The following H4C9 variants were observed in gnomAD, a reference collection of about 807,000 sequenced individuals.
H4C9 encodes the protein histone H4.
Under a neutral mutation model 4.3 loss-of-function variants are expected in H4C9, and 3 were observed. The observed-to-expected ratio is 0.70, with a 90% confidence interval of 0.32 to 1.82. H4C9 has a LOEUF of 1.82. Ranked by LOEUF, H4C9 falls within the 40% of genes most tolerant of loss-of-function variation. The pLI is 0.08. For synonymous variants in H4C9, 83 were observed against 64.8 expected, an observed-to-expected ratio of 1.28 and a Z score of -1.35; for missense variants, 166 against 158.3, an observed-to-expected ratio of 1.05 and a Z score of -0.26.
rs779121479 is a variant in H4C9 at position 27,139,648 on chromosome 6, T to A, written c.*28T>A. 1 of 1,579,412 alleles carries A rather than the reference T, an allele frequency of 6.3e-7. No individual in the cohort carries two copies. Among genetic ancestry groups the A allele is most frequent in the African/African-American group, 1.4e-5 (1 of 73,882 alleles). On this transcript the variant is annotated 3_prime_UTR_variant, in exon 1 of 1. Coordinates refer to ENST00000615353, the MANE Select transcript of H4C9 (RefSeq NM_003495.3). ...GGCATTTTGAAGCCCAGTCATTCTC[T>A]AAAAAGGCCCTTTTTAGGGCCCCTA...
At position 27,139,678 on chromosome 6, in the gene H4C9, T is replaced by C; in HGVS notation, c.*58T>C. On this transcript the variant is annotated 3_prime_UTR_variant, in exon 1 of 1. Transcript: ENST00000615353. The stretch of plus-strand genomic sequence containing the variant: ...AGGCCCTTTTTAGGGCCCCTAAGCT[T>C]TCAACAAAAGAGTTGAAATGACTGC... 1 of 1,536,688 alleles carries C rather than the reference T, an allele frequency of 6.5e-7. No homozygotes were observed. The highest frequency in any genetic ancestry group is 8.7e-7 in the Non-Finnish European group (1 of 1,146,536).
At position 27,139,495 on chromosome 6, in the gene H4C9, C is replaced by T. The variant is rs780445663; in HGVS notation, c.187C>T (p.Leu63=). ...EETRGVLKVF[L]ENVIRDAVTY... is the part of the protein sequence containing the mutation. Reference sequence around the variant, plus strand: ...GACCCGCGGAGTGTTGAAGGTGTTCCTGGAGAACGTGATCCGGGACGCCGT... The same window carrying T: ...GACCCGCGGAGTGTTGAAGGTGTTCTTGGAGAACGTGATCCGGGACGCCGT... Residue 63 remains leucine, a synonymous_variant, in exon 1 of 1, where the codon CTG becomes TTG. Transcript: ENST00000615353. 12 of 1,612,848 alleles carry T rather than the reference C, an allele frequency of 7.4e-6. No homozygotes were observed. Among genetic ancestry groups the T allele is most frequent in the South Asian group, 6.6e-5 (6 of 91,008 alleles).
rs773953710 is a variant in H4C9 at position 27,139,426 on chromosome 6, C to T, written c.118C>T (p.Arg40Cys). 2 of 1,614,232 alleles carry T rather than the reference C, an allele frequency of 1.2e-6. No individual in the cohort carries two copies. Among genetic ancestry groups the T allele is most frequent in the South Asian group, 2.2e-5 (2 of 91,090 alleles). Residue 40 changes from arginine to cysteine, a missense_variant, in exon 1 of 1, where the codon CGC becomes TGC. By Grantham distance (180) the Arg-to-Cys change is radical. Coordinates refer to ENST00000615353, the MANE Select transcript of H4C9 (RefSeq NM_003495.3). ...ITKPAIRRLA[R>C]RGGVKRISGL... is the part of the protein sequence containing the mutation. ...CAAGCCAGCCATTCGGCGCCTTGCT[C>T]GCCGCGGCGGCGTGAAGCGCATTTC...
rs906388344 is a variant in H4C9, at chr6:27,139,586, G to A, written c.278G>A (p.Arg93His). 2 of 1,613,464 alleles carry A rather than the reference G, an allele frequency of 1.2e-6. No homozygotes were observed. Among genetic ancestry groups the A allele is most frequent in the African/African-American group, 1.3e-5 (1 of 74,942 alleles). ...TAMDVVYALK[R>H]QGRTLYGFGG is the part of the protein sequence containing the mutation. ...ATGGACGTGGTCTACGCGCTCAAGC[G>A]CCAGGGCCGCACCCTCTATGGCTTC... Residue 93 changes from arginine to histidine, a missense_variant, in exon 1 of 1, where the codon CGC becomes CAC. Physicochemically the swap from Arg to His is conservative, Grantham distance 29. Coordinates refer to ENST00000615353, the MANE Select transcript of H4C9 (RefSeq NM_003495.3).
In H4C9 at chr6:27,139,655, G is replaced by T; in HGVS notation, c.*35G>T. The stretch of plus-strand genomic sequence containing the variant: ...TGAAGCCCAGTCATTCTCTAAAAAG[G>T]CCCTTTTTAGGGCCCCTAAGCTTTC... On this transcript the variant is annotated 3_prime_UTR_variant, in exon 1 of 1. Coordinates refer to ENST00000615353, the MANE Select transcript of H4C9 (RefSeq NM_003495.3). 1 of 1,571,648 alleles carries T rather than the reference G, an allele frequency of 6.4e-7. No individual in the cohort carries two copies. The highest frequency in any genetic ancestry group is 8.6e-7 in the Non-Finnish European group (1 of 1,161,126).
rs1387945034 is a variant in H4C9, at chr6:27,139,556, C to T, written c.248C>T (p.Thr83Ile). 1.2e-6 allele frequency: 2 copies of T among 1,614,006 alleles called. No homozygotes were observed. The highest frequency in any genetic ancestry group is 1.7e-6 in the Non-Finnish European group (2 of 1,180,010). The change falls in exon 1 of 1, where the codon ACC becomes ATC. Residue 83 changes from threonine to isoleucine, a missense_variant. Physicochemically the swap from Thr to Ile is moderately conservative, Grantham distance 89. Coordinates refer to ENST00000615353, the MANE Select transcript of H4C9 (RefSeq NM_003495.3). ...YTEHAKRKTV[T>I]AMDVVYALKR... ...GAGCACGCCAAGCGCAAGACGGTCA[C>T]CGCCATGGACGTGGTCTACGCGCTC...
In H4C9 at chr6:27,139,325, A is replaced by G. The variant is rs750256756; in HGVS notation, c.17A>G (p.Lys6Arg). 2 of 1,610,846 alleles carry G rather than the reference A, an allele frequency of 1.2e-6. No individual in the cohort carries two copies. The highest frequency in any genetic ancestry group is 1.7e-6 in the Non-Finnish European group (2 of 1,178,116). Residue 6 changes from lysine to arginine, a missense_variant, in exon 1 of 1, where the codon AAA (lysine) becomes AGA (arginine). Coordinates refer to ENST00000615353, the MANE Select transcript of H4C9 (RefSeq NM_003495.3). MSGRG[K>R]GGKGLGKGGA... ...CACTTGATAATGTCAGGACGCGGCA[A>G]AGGAGGTAAGGGCCTGGGGAAAGGG...
rs143050720 is a variant in H4C9, at chr6:27,139,372, G to A, written c.64G>A (p.Val22Met). Residue 22 changes from valine to methionine, a missense_variant, in exon 1 of 1, where the codon GTG becomes ATG. Physicochemically the swap from Val to Met is conservative, Grantham distance 21. Coordinates refer to ENST00000615353, the MANE Select transcript of H4C9 (RefSeq NM_003495.3). ...AGGGGGTGCCAAGCGCCACCGCAAG[G>A]TGCTGCGCGACAACATCCAGGGTAT... ...GKGGAKRHRK[V>M]LRDNIQGITK... is the part of the protein sequence containing the mutation. The A allele has an allele frequency of 6.2e-7, 1 of 1,614,216 alleles. No homozygotes were observed. Among genetic ancestry groups the A allele is most frequent in the Non-Finnish European group, 8.5e-7 (1 of 1,180,038 alleles).
In H4C9 at chr6:27,139,326, A is replaced by C; in HGVS notation, c.18A>C (p.Lys6Asn). The change falls in exon 1 of 1, where the codon AAA becomes AAC. Residue 6 changes from lysine (K) to asparagine (N), a missense_variant. Physicochemically the swap from Lys to Asn is moderately conservative, Grantham distance 94. Transcript: ENST00000615353. ...ACTTGATAATGTCAGGACGCGGCAA[A>C]GGAGGTAAGGGCCTGGGGAAAGGGG... Reference protein sequence around the residue: MSGRGKGGKGLGKGGA... With the variant: MSGRGNGGKGLGKGGA... 6.2e-7 allele frequency: 1 copy of C among 1,611,072 alleles called. No individual in the cohort carries two copies. Among genetic ancestry groups the C allele is most frequent in the Non-Finnish European group, 8.5e-7 (1 of 1,178,202 alleles).
rs758444195 is a variant in H4C9 at position 27,139,394 on chromosome 6, G to C, written c.86G>C (p.Gly29Ala). 4.3e-6 allele frequency: 7 copies of C among 1,614,102 alleles called. No individual in the cohort carries two copies. The highest frequency in any genetic ancestry group is 1.3e-5 in the African/African-American group (1 of 74,948). ...AAGGTGCTGCGCGACAACATCCAGG[G>C]TATCACCAAGCCAGCCATTCGGCGC... ...HRKVLRDNIQ[G>A]ITKPAIRRLA... Residue 29 changes from glycine (G) to alanine (A), a missense_variant, in exon 1 of 1, where the codon GGT becomes GCT. Physicochemically the swap from Gly to Ala is moderately conservative, Grantham distance 60. Transcript: ENST00000615353.
Position 27,139,285 on chromosome 6 carries a change from C to A in H4C9, c.-24C>A, listed in dbSNP as rs1315959858. The A allele has an allele frequency of 2.5e-6, 4 of 1,579,118 alleles. No homozygotes were observed. The highest frequency in any genetic ancestry group is 2.2e-5 in the East Asian group (1 of 44,590). ...GAAAGCTGCCATCACAGGCAGCAGA[C>A]CTTTGTTCTCTGACCACTTGATAAT... On this transcript the variant is annotated 5_prime_UTR_variant, in exon 1 of 1. Transcript: ENST00000615353.
rs1416559237 is a variant in H4C9, at chr6:27,139,627, T to A, written c.*7T>A. The A allele has an allele frequency of 6.2e-7, 1 of 1,602,796 alleles. No homozygotes were observed. Among genetic ancestry groups the A allele is most frequent in the East Asian group, 2.2e-5 (1 of 44,798 alleles). ...CTATGGCTTCGGCGGCTAAATGGCA[T>A]TTTGAAGCCCAGTCATTCTCTAAAA... On this transcript the variant is annotated 3_prime_UTR_variant, in exon 1 of 1. Transcript: ENST00000615353.
Position 27,139,323 on chromosome 6 carries a change from C to A in H4C9, c.15C>A (p.Gly5=), listed in dbSNP as rs1351101102. The A allele has an allele frequency of 6.2e-7, 1 of 1,609,814 alleles. No homozygotes were observed. Among genetic ancestry groups the A allele is most frequent in the Non-Finnish European group, 8.5e-7 (1 of 1,177,652 alleles). Residue 5 remains glycine, a synonymous_variant, in exon 1 of 1, where the codon GGC becomes GGA. Coordinates refer to ENST00000615353, the MANE Select transcript of H4C9 (RefSeq NM_003495.3). ...ACCACTTGATAATGTCAGGACGCGG[C>A]AAAGGAGGTAAGGGCCTGGGGAAAG... The part of the protein sequence containing the change: MSGR[G]KGGKGLGKGG...
Position 27,139,336 on chromosome 6 carries a change from G to A in H4C9, c.28G>A (p.Gly10Ser). 6.2e-7 allele frequency: 1 copy of A among 1,613,248 alleles called. No individual in the cohort carries two copies. The highest frequency in any genetic ancestry group is 8.5e-7 in the Non-Finnish European group (1 of 1,179,456). MSGRGKGGK[G>S]LGKGGAKRHR... ...GTCAGGACGCGGCAAAGGAGGTAAGGGCCTGGGGAAAGGGGGTGCCAAGCG... is the reference window on the plus strand; with the variant it reads ...GTCAGGACGCGGCAAAGGAGGTAAGAGCCTGGGGAAAGGGGGTGCCAAGCG... Residue 10 changes from glycine to serine, a missense_variant, in exon 1 of 1, where the codon GGC becomes AGC. Physicochemically the swap from Gly to Ser is moderately conservative, Grantham distance 56. Transcript: ENST00000615353.
rs746712235 is a variant in H4C9, at chr6:27,139,649, A to T, written c.*29A>T. The stretch of plus-strand genomic sequence containing the variant: ...GCATTTTGAAGCCCAGTCATTCTCT[A>T]AAAAGGCCCTTTTTAGGGCCCCTAA... On this transcript the variant is annotated 3_prime_UTR_variant, in exon 1 of 1. Transcript: ENST00000615353. 10 of 1,578,270 alleles carry T rather than the reference A, an allele frequency of 6.3e-6. No homozygotes were observed. The highest frequency in any genetic ancestry group is 8.6e-6 in the Non-Finnish European group (10 of 1,164,176).
In H4C9 at chr6:27,139,509, C is replaced by G. The variant is rs1759968306; in HGVS notation, c.201C>G (p.Ile67Met). Residue 67 changes from isoleucine to methionine, a missense_variant, in exon 1 of 1, where the codon ATC becomes ATG. Physicochemically the swap from Ile to Met is conservative, Grantham distance 10 (BLOSUM62 1). Transcript: ENST00000615353. ...TGAAGGTGTTCCTGGAGAACGTGAT[C>G]CGGGACGCCGTGACCTACACGGAGC... Reference protein sequence around the residue: ...GVLKVFLENVIRDAVTYTEHA... With the variant: ...GVLKVFLENVMRDAVTYTEHA... The G allele has an allele frequency of 6.2e-7, 1 of 1,611,006 alleles. No homozygotes were observed.
In H4C9 at chr6:27,139,398, C is replaced by G; in HGVS notation, c.90C>G (p.Ile30Met). ...TGCTGCGCGACAACATCCAGGGTAT[C>G]ACCAAGCCAGCCATTCGGCGCCTTG... ...RKVLRDNIQGITKPAIRRLAR... is the reference protein window; with the variant it reads ...RKVLRDNIQGMTKPAIRRLAR... Residue 30 changes from isoleucine to methionine, a missense_variant, in exon 1 of 1, where the codon ATC (isoleucine) becomes ATG (methionine). Coordinates refer to ENST00000615353, the MANE Select transcript of H4C9 (RefSeq NM_003495.3). 2 of 1,614,234 alleles carry G rather than the reference C, an allele frequency of 1.2e-6. No homozygotes were observed. The highest frequency in any genetic ancestry group is 1.7e-6 in the Non-Finnish European group (2 of 1,180,034).
rs1759973125 is a variant in H4C9 at position 27,139,602 on chromosome 6, CTA to C, written c.296_297del (p.Tyr99TrpfsTer?). On this transcript the variant is annotated frameshift_variant, in exon 1 of 1. Transcript: ENST00000615353. LOFTEE classifies it high-confidence loss of function. ...CGCTCAAGCGCCAGGGCCGCACCCT[CTA>C]TGGCTTCGGCGGCTAAATGGCATTT... ...YALKRQGRTL[Y>X]GFGG 5 of 1,611,124 alleles carry C rather than the reference CTA, an allele frequency of 3.1e-6. No individual in the cohort carries two copies. Among genetic ancestry groups the C allele is most frequent in the African/African-American group, 1.3e-5 (1 of 74,858 alleles).
rs754932977 is a variant in H4C9, at chr6:27,139,364, A to AC, written c.58dup (p.Arg20ProfsTer34). The stretch of plus-strand genomic sequence containing the variant: ...CTGGGGAAAGGGGGTGCCAAGCGCC[A>AC]CCGCAAGGTGCTGCGCGACAACATC... On this transcript the variant is annotated frameshift_variant, in exon 1 of 1. Transcript: ENST00000615353. LOFTEE classifies it high-confidence loss of function. The AC allele has an allele frequency of 1.8e-5, 29 of 1,613,998 alleles. No individual in the cohort carries two copies. The highest frequency in any genetic ancestry group is 2.3e-5 in the Non-Finnish European group (27 of 1,180,000).
Sources: allele counts gnomAD v4.1 joint callset, GRCh38; gene constraint gnomAD v4.1.1; transcripts MANE v1.5; gene names NCBI Gene and HGNC (gene_info 2026-07-23, HGNC 2026-07-21).